The following MEGF11 variants were observed in gnomAD, a reference collection of about 807,000 sequenced individuals.
The protein encoded by MEGF11 is multiple EGF like domains 11, also known as multiple epidermal growth factor-like domains protein 11.
In MEGF11, 126 loss-of-function variants were observed where a neutral mutation model predicts 146.6. That is an observed-to-expected ratio of 0.86 (90% CI 0.74 to 1.00). The LOEUF (loss-of-function observed/expected upper bound fraction) is 1.00. Among genes scored for constraint, MEGF11 ranks in the 50% least tolerant of loss-of-function variants. The pLI is 0.00. For missense variants in MEGF11, 1,509 were observed against 1,521.2 expected (o/e 0.99, Z 0.13); for synonymous variants, 532 against 583.4 (o/e 0.91, Z 1.27).
chr15:65,945,682 A>G (rs1045223271), intron 10 of MEGF11, among the ~76,000 whole-genome samples: 2 of 152,160 alleles, frequency 1.3e-5, no homozygotes, highest in African/African-American at 4.8e-5. Flanking sequence ...TGGGCACTCC[A>G]TTCCTGCCAC....
At chr15:66,187,931 G>A (rs1323659525) in intron 1 of MEGF11, among the ~76,000 whole-genome samples, 1 of 152,190 alleles carries the variant, frequency 6.6e-6, no homozygotes, top group Non-Finnish European at 1.5e-5. Context: ...TTGAAATGTT[G>A]AGGGATAAAG....
At chr15:65,911,362 GCA>G (rs1239777216) in intron 21 of MEGF11, among the ~76,000 whole-genome samples, 1 of 152,236 alleles carries the variant, frequency 6.6e-6, no homozygotes, top group Non-Finnish European at 1.5e-5. Context: ...TATGCCACTT[GCA>G]CACATTGTGT....
intron 10 of MEGF11, among the ~76,000 whole-genome samples, chr15:65,956,154 T>C (rs1049983597): frequency 2.6e-5 from 4 of 152,168 alleles, no homozygotes; most frequent in African/African-American, 9.7e-5. Context: ...GGCCCAGGCA[T>C]TGATGTTTAT....
At chr15:65,927,791 A>G (rs1294041097) in intron 13 of MEGF11, among the ~76,000 whole-genome samples, 1 of 152,208 alleles carries the variant, frequency 6.6e-6, no homozygotes, top group East Asian at 1.9e-4. Context: ...GAACAGAGTG[A>G]GGTGGAGTCA....
intron 16 of MEGF11, among the ~76,000 whole-genome samples, chr15:65,917,478 C>A (rs1311856008): frequency 6.6e-6 from 1 of 152,196 alleles, no homozygotes; most frequent in Non-Finnish European, 1.5e-5. Flanking sequence ...GGGTCTCTGT[C>A]CTTAGTTTGG....
At chr15:66,199,001 G>C (rs991350683) in intron 1 of MEGF11, among the ~76,000 whole-genome samples, 1 of 152,164 alleles carries the variant, frequency 6.6e-6, no homozygotes, top group African/African-American at 2.4e-5. Flanking sequence ...TTCACCCAGA[G>C]GCCCTTTCTC....
At chr15:65,948,635 A>G (rs931548816) in intron 10 of MEGF11, among the ~76,000 whole-genome samples, 5 of 152,158 alleles carry the variant, frequency 3.3e-5, no homozygotes, top group African/African-American at 1.2e-4. Flanking sequence ...CCTGACAAAC[A>G]TTTACTGAAC....
chr15:66,128,743 C>G (rs1359929049), intron 1 of MEGF11, among the ~76,000 whole-genome samples: 2 of 152,282 alleles, frequency 1.3e-5, no homozygotes, highest in East Asian at 3.9e-4. Context: ...CGGGCCCATC[C>G]TTGGACCCAG....
intron 8 of MEGF11, among the ~76,000 whole-genome samples, chr15:65,965,621 T>TC (rs2081062250): frequency 1.5e-5 from 2 of 136,060 alleles, no homozygotes; most frequent in Non-Finnish European, 3.2e-5. Flanking sequence ...TTCTTTTTTT[T>TC]TTTTTTGGCT....
intron 1 of MEGF11, among the ~76,000 whole-genome samples, chr15:66,190,087 G>C (rs1263788353): frequency 6.6e-6 from 1 of 152,158 alleles, no homozygotes; most frequent in Non-Finnish European, 1.5e-5. Flanking sequence ...AAGCTCATAT[G>C]GGCCCCCAGA....
chr15:65,908,632 C>T (rs915046965), intron 23 of MEGF11, among the ~76,000 whole-genome samples: 1 of 152,214 alleles, frequency 6.6e-6, no homozygotes, highest in Admixed American at 6.5e-5. Context: ...CTCTGGGAGA[C>T]ATTGGACTTT....
At chr15:66,111,790 G>A (rs12148601) in intron 4 of MEGF11, among the ~76,000 whole-genome samples, 20,050 of 152,188 alleles carry the variant, frequency 0.13, 1,386 homozygotes, top group South Asian at 0.19. Flanking sequence ...TCTCCTTTAG[G>A]GGTGATTAGA....
At chr15:65,903,957 A>G (rs567795958) in intron 24 of MEGF11, among the ~76,000 whole-genome samples, 11 of 152,354 alleles carry the variant, frequency 7.2e-5, no homozygotes, top group Non-Finnish European at 1.5e-4. Flanking sequence ...CCAGAGTGGT[A>G]AAATAAGATC....
intron 10 of MEGF11, among the ~76,000 whole-genome samples, chr15:65,934,221 A>G (rs1024758833): frequency 2.0e-5 from 3 of 152,154 alleles, no homozygotes; most frequent in Non-Finnish European, 4.4e-5. Context: ...TGGAATCCTT[A>G]GAATCTCCAA....
At chr15:65,996,009 G>A (rs2082185865) in intron 5 of MEGF11, among the ~76,000 whole-genome samples, 1 of 152,196 alleles carries the variant, frequency 6.6e-6, no homozygotes, top group East Asian at 1.9e-4. Flanking sequence ...GCATCCAGAT[G>A]TCACCAGAGT....
Position 66,171,002 on chromosome 15 carries a change from T to C in MEGF11, c.-8-42591A>G, listed in dbSNP as rs576751684. On this transcript the variant is annotated intron_variant, in intron 1 of 25. Transcript: ENST00000395614. ...TGACGCCATGTCCTCGCTCAGCTCC[T>C]TCCTCTTCCCACCCTGCCTCCCTCC... is the stretch of plus-strand genomic sequence containing the variant. Among the ~76,000 whole-genome samples the C allele has an allele frequency of 9.2e-5, 14 of 152,288 alleles. No homozygotes were observed. The East Asian group carries it at 2.1e-3, about 23-fold the overall frequency.
chr15:66,090,697 A>G (rs1278242151), intron 5 of MEGF11, among the ~76,000 whole-genome samples: 2 of 152,270 alleles, frequency 1.3e-5, no homozygotes, highest in African/African-American at 2.4e-5. Flanking sequence ...AATCAGAAAC[A>G]ACCTCAATGT....
At chr15:66,097,300 G>A (rs565055532) in intron 4 of MEGF11, among the ~76,000 whole-genome samples, 2 of 152,278 alleles carry the variant, frequency 1.3e-5, no homozygotes, top group Middle Eastern at 3.4e-3. Context: ...GTCTCCTAGG[G>A]AGGATGGAGG....
At chr15:66,243,488 G>A (rs551166372) in intron 1 of MEGF11, among the ~76,000 whole-genome samples, 9 of 152,284 alleles carry the variant, frequency 5.9e-5, no homozygotes, top group East Asian at 5.8e-4. Flanking sequence ...GCAGAAGGGC[G>A]GCCAGCTGGG....
Sources: gnomAD v4.1 joint callset for allele counts (sites outside exome capture counted in the v4.1 genomes callset) on GRCh38, gnomAD v4.1.1 for gene constraint, MANE v1.5 for transcripts, NCBI Gene and HGNC (gene_info 2026-07-23, HGNC 2026-07-21) for gene names.